Variants in CLIP1 observed in about 807,000 individuals in gnomAD.
CLIP1 encodes CAP-Gly domain containing linker protein 1.
A neutral mutation model predicts 161.6 loss-of-function variants in CLIP1; 66 were observed. The observed-to-expected ratio is 0.41, with a 90% CI of 0.33 to 0.50. The LOEUF is 0.50. Among genes scored for constraint, CLIP1 ranks in the 20% least tolerant of loss-of-function variants. The probability of loss-of-function intolerance (pLI) is 0.27; values close to 1 mark genes in which losing one functional copy is unlikely to be tolerated. For missense variants in CLIP1, 1,376 were observed against 1,702.0 expected (o/e 0.81, Z 3.37); for synonymous variants, 598 against 626.2 (o/e 0.96, Z 0.67).
At chr12:122,356,285 T>C (rs1485189813) in intron 5 of CLIP1, 1 of 152,230 alleles carries the variant, frequency 6.6e-6, no homozygotes, top group Non-Finnish European at 1.5e-5. Flanking sequence ...AACTCACCAG[T>C]GCACTGTAGG....
intron 21 of CLIP1, among the ~76,000 whole-genome samples, chr12:122,284,591 A>G (rs921681187): frequency 4.6e-5 from 7 of 152,072 alleles, no homozygotes; most frequent in African/African-American, 7.2e-5. Context: ...ACCTCAGGTG[A>G]TCCACCTGCC....
intron 20 of CLIP1, among the ~76,000 whole-genome samples, chr12:122,304,798 AT>A (rs1697975255): frequency 6.6e-6 from 1 of 152,230 alleles, no homozygotes; most frequent in South Asian, 2.1e-4. Context: ...TCCAGCTTCA[AT>A]CAGCCCTAGT....
At chr12:122,408,801 G>A (rs1956420473) in intron 1 of CLIP1, among the ~76,000 whole-genome samples, 1 of 151,504 alleles carries the variant, frequency 6.6e-6, no homozygotes, top group African/African-American at 2.4e-5. Flanking sequence ...AATACTACAG[G>A]GCACCTTGAT....
intron 4 of CLIP1, among the ~76,000 whole-genome samples, chr12:122,362,432 G>T (rs1953890871): frequency 6.6e-6 from 1 of 150,786 alleles, no homozygotes; most frequent in Non-Finnish European, 1.5e-5. Flanking sequence ...CATGAGGTCA[G>T]GAGATCGAGA....
At chr12:122,316,383 T>C in intron 19 of CLIP1, among the ~76,000 whole-genome samples, 1 of 152,048 alleles carries the variant, frequency 6.6e-6, no homozygotes, top group African/African-American at 2.4e-5. Context: ...CTAATTTTTG[T>C]ACTTTTTGTA....
intron 6 of CLIP1, chr12:122,354,806 T>C (rs1190317312): frequency 5.2e-6 from 3 of 575,208 alleles, no homozygotes; most frequent in South Asian, 2.1e-5. Flanking sequence ...TTAAGAGTAA[T>C]CCACAAACAG....
intron 19 of CLIP1, among the ~76,000 whole-genome samples, chr12:122,312,508 A>G (rs1282479647): frequency 6.6e-6 from 1 of 152,214 alleles, no homozygotes; most frequent in Admixed American, 6.5e-5. Flanking sequence ...TCAAGCCTGT[A>G]ATCCCAGCAC....
In CLIP1 at chr12:122,366,051, C is replaced by G. The variant is rs550306949; in HGVS notation, c.658-1944G>C. Reference sequence around the variant, plus strand: ...AATAGGCCAGGCACGATGGCTCACGCCTCCCAGCACTTTGGGAGGCCAAGG... The same window carrying G: ...AATAGGCCAGGCACGATGGCTCACGGCTCCCAGCACTTTGGGAGGCCAAGG... On this transcript the variant is annotated intron_variant, in intron 3 of 25. Transcript: ENST00000620786. Among the ~76,000 whole-genome samples the G allele has an allele frequency of 2.6e-5, 4 of 151,506 alleles. No homozygotes were observed. In the East Asian group the frequency reaches 7.8e-4, roughly 30 times the overall value.
intron 3 of CLIP1, among the ~76,000 whole-genome samples, chr12:122,376,337 G>A (rs1453667589): frequency 6.6e-6 from 1 of 152,176 alleles, no homozygotes; most frequent in South Asian, 2.1e-4. Context: ...ACAGGCGTAA[G>A]CCACCGTACC....
At chr12:122,340,453 T>C (rs773988911) in intron 11 of CLIP1, among the ~76,000 whole-genome samples, 2 of 152,206 alleles carry the variant, frequency 1.3e-5, no homozygotes, top group African/African-American at 2.4e-5. Context: ...AAACAGATTA[T>C]AGACTGGAGC....
At chr12:122,380,176 G>A (rs1428790168) in intron 2 of CLIP1, among the ~76,000 whole-genome samples, 192 bp downstream of exon 2, 4 of 151,494 alleles carry the variant, frequency 2.6e-5, no homozygotes, top group African/African-American at 7.3e-5. Context: ...CCAGGAGGCG[G>A]AGCCTGCAGT....
At chr12:122,403,285 G>C (rs1466023630) in intron 1 of CLIP1, among the ~76,000 whole-genome samples, 1 of 152,080 alleles carries the variant, frequency 6.6e-6, no homozygotes, top group Non-Finnish European at 1.5e-5. Flanking sequence ...TAATGTATAA[G>C]GAAGCTCTGC....
rs767563617 is a variant in CLIP1, at chr12:122,272,878, G to A, written c.4314C>T (p.Phe1438=). The change falls in exon 26 of 26, where the codon TTC becomes TTT. Residue 1438 remains phenylalanine (F), a synonymous_variant. Transcript: ENST00000620786. ...WATNCNDDET[F] is the part of the protein sequence containing the mutation. ...CAGTTCTCCACTGGAGGCTTCATCA[G>A]AAGGTTTCGTCGTCATTGCAGTTGG... The A allele has an allele frequency of 6.2e-6, 10 of 1,614,076 alleles. No homozygotes were observed. The African/African-American group carries it at 6.7e-5, about 11-fold the overall frequency.
chr12:122,373,418 T>C (rs1001032583), intron 3 of CLIP1, among the ~76,000 whole-genome samples: 1 of 145,256 alleles, frequency 6.9e-6, no homozygotes, highest in Non-Finnish European at 1.5e-5. Flanking sequence ...AGTGAGACTC[T>C]GTCTCAAAAA....
At chr12:122,335,679 C>A (rs1322133498) in intron 12 of CLIP1, among the ~76,000 whole-genome samples, 1 of 151,820 alleles carries the variant, frequency 6.6e-6, no homozygotes, top group Non-Finnish European at 1.5e-5. Context: ...TGGTAACAGG[C>A]GCCTGTAATC....
At chr12:122,320,948 T>C (rs992289947) in intron 17 of CLIP1, among the ~76,000 whole-genome samples, 1 of 151,414 alleles carries the variant, frequency 6.6e-6, no homozygotes, top group African/African-American at 2.4e-5. Context: ...GATCTCGTGA[T>C]CCGCCTGCAA....
intron 1 of CLIP1, among the ~76,000 whole-genome samples, chr12:122,405,265 G>A (rs774123711): frequency 5.9e-5 from 9 of 152,104 alleles, no homozygotes; most frequent in Admixed American, 6.6e-5. Flanking sequence ...GATTCACAAG[G>A]GACGCGTTCT....
intron 1 of CLIP1, chr12:122,395,536 C>T (rs1955879408): frequency 6.6e-6 from 1 of 152,116 alleles, no homozygotes; most frequent in Admixed American, 6.6e-5. Flanking sequence ...GCTGAAGCCT[C>T]ACCACTTTAA....
intron 1 of CLIP1, among the ~76,000 whole-genome samples, chr12:122,405,998 C>T (rs1297607504): frequency 6.6e-6 from 1 of 152,012 alleles, no homozygotes. Flanking sequence ...ATCCGGGAGG[C>T]AGAGGTTGCA....
Sources: allele counts gnomAD v4.1 joint callset (sites outside exome capture counted in the v4.1 genomes callset), GRCh38; gene constraint gnomAD v4.1.1; transcripts MANE v1.5; gene names NCBI Gene and HGNC (gene_info 2026-07-23, HGNC 2026-07-21).